Variants in C12orf42 observed in about 807,000 individuals in gnomAD.
C12orf42 encodes the protein uncharacterized protein C12orf42.
Under a neutral mutation model 21.6 loss-of-function variants are expected in C12orf42, and 25 were observed. The observed-to-expected ratio is 1.16, with a 90% CI of 0.84 to 1.62. C12orf42 has a LOEUF of 1.62. Ranked by LOEUF, C12orf42 falls within the 40% of genes most tolerant of loss-of-function variation. The pLI is 0.00. For synonymous variants in C12orf42, 174 were observed against 175.0 expected, an observed-to-expected ratio of 0.99 and a Z score of 0.05; for missense variants, 483 against 459.3, an observed-to-expected ratio of 1.05 and a Z score of -0.47.
At chr12:103,338,453 T>C (rs1433880276) in intron 4 of C12orf42, among the ~76,000 whole-genome samples, 3 of 152,254 alleles carry the variant, frequency 2.0e-5, no homozygotes, top group African/African-American at 7.2e-5. Flanking sequence ...GATGTCATCC[T>C]GGGAAAGCTT....
At chr12:103,206,633 G>T in the C12orf42 span, among the ~76,000 whole-genome samples, 1 of 151,850 alleles carries the variant, frequency 6.6e-6, no homozygotes, top group African/African-American at 2.4e-5. Context: ...TCACTGTCTC[G>T]CCCAAGCTAG....
At chr12:103,187,670 A>G in the C12orf42 span, among the ~76,000 whole-genome samples, 2 of 152,324 alleles carry the variant, frequency 1.3e-5, no homozygotes, top group South Asian at 2.1e-4. Flanking sequence ...TACTTGGGCA[A>G]TTCTTGGAAG....
intron 4 of C12orf42, among the ~76,000 whole-genome samples, chr12:103,318,421 A>G (rs894739884): frequency 6.6e-6 from 1 of 152,160 alleles, no homozygotes; most frequent in Non-Finnish European, 1.5e-5. Context: ...TAGAATACCC[A>G]TTGTTTTCCA....
the C12orf42 span, among the ~76,000 whole-genome samples, chr12:103,176,415 A>G: frequency 1.3e-5 from 2 of 152,174 alleles, no homozygotes; most frequent in Non-Finnish European, 2.9e-5. Context: ...AACAGCAACT[A>G]CATTTTAGGT....
chr12:103,136,200 G>A, the C12orf42 span, among the ~76,000 whole-genome samples: 1 of 152,138 alleles, frequency 6.6e-6, no homozygotes, highest in East Asian at 1.9e-4. Flanking sequence ...TCAGCAAGTT[G>A]CAGGATACAA....
chr12:103,275,250 C>T (rs1437921957), intron 5 of C12orf42, among the ~76,000 whole-genome samples: 6 of 151,970 alleles, frequency 3.9e-5, no homozygotes, highest in African/African-American at 1.5e-4. Flanking sequence ...AAAAATAAAA[C>T]AGGTTGATAG....
At chr12:103,165,054 T>G in the C12orf42 span, among the ~76,000 whole-genome samples, 1 of 152,012 alleles carries the variant, frequency 6.6e-6, no homozygotes, top group African/African-American at 2.4e-5. Flanking sequence ...CAAAATAGAG[T>G]GAAATGACCG....
the C12orf42 span, chr12:103,155,017 C>G: frequency 6.6e-6 from 1 of 152,186 alleles, no homozygotes; most frequent in Non-Finnish European, 1.5e-5. Context: ...AAACCTCCCC[C>G]ACTCCTCTTT....
chr12:103,474,517 CA>C (rs1272272358), intron 2 of C12orf42, among the ~76,000 whole-genome samples: 1 of 151,232 alleles, frequency 6.6e-6, no homozygotes, highest in Non-Finnish European at 1.5e-5. Context: ...AATAATTCAT[CA>C]AAAATCCATG....
chr12:103,229,505 G>T, the C12orf42 span, among the ~76,000 whole-genome samples: 5 of 152,176 alleles, frequency 3.3e-5, no homozygotes, highest in African/African-American at 1.2e-4. Context: ...ATTTAAGCTG[G>T]TTTGTGTGTA....
At chr12:103,320,058 A>G (rs1244709972) in intron 4 of C12orf42, among the ~76,000 whole-genome samples, 1 of 152,204 alleles carries the variant, frequency 6.6e-6, no homozygotes, top group African/African-American at 2.4e-5. Context: ...CACAACCGAG[A>G]AAGAAAACGT....
chr12:103,465,404 A>C (rs1318860856), intron 2 of C12orf42, among the ~76,000 whole-genome samples: 1 of 151,828 alleles, frequency 6.6e-6, no homozygotes. Flanking sequence ...TCTGCTTGTC[A>C]ATTGTTGGTG....
intron 2 of C12orf42, among the ~76,000 whole-genome samples, chr12:103,407,932 T>A (rs1193691474): frequency 6.6e-6 from 1 of 152,212 alleles, no homozygotes; most frequent in Non-Finnish European, 1.5e-5. Flanking sequence ...ACCAAGGGAA[T>A]TGTTGACAAA....
chr12:103,353,971 G>C (rs2043315494), intron 4 of C12orf42, among the ~76,000 whole-genome samples: 1 of 152,136 alleles, frequency 6.6e-6, no homozygotes, highest in Admixed American at 6.6e-5. Context: ...GAGTTACCCA[G>C]CAAGGCTCAA....
chr12:103,098,600 G>A, the C12orf42 span, among the ~76,000 whole-genome samples: 1 of 152,100 alleles, frequency 6.6e-6, no homozygotes, highest in African/African-American at 2.4e-5. Context: ...AAGAAGCAAG[G>A]GTCATTTGCT....
intron 3 of C12orf42, among the ~76,000 whole-genome samples, chr12:103,395,039 A>G (rs2047397603): frequency 6.6e-6 from 1 of 152,228 alleles, no homozygotes; most frequent in African/African-American, 2.4e-5. Context: ...GAACATCTAC[A>G]TTGTACCAGC....
chr12:103,425,228 CA>C, intron 2 of C12orf42, among the ~76,000 whole-genome samples: 1 of 152,186 alleles, frequency 6.6e-6, no homozygotes, highest in Admixed American at 6.5e-5. Context: ...TGGGACAGAG[CA>C]CCTAGGGGAA....
the C12orf42 span, among the ~76,000 whole-genome samples, chr12:103,186,653 A>G: frequency 4.3e-3 from 654 of 152,272 alleles, 2 homozygotes; most frequent in Middle Eastern, 0.01. Context: ...TAAAAATTTC[A>G]TGAAAAATCA....
the C12orf42 span, among the ~76,000 whole-genome samples, chr12:103,224,251 G>T: frequency 0.084 from 12,805 of 152,084 alleles, 571 homozygotes; most frequent in East Asian, 0.17. Context: ...GAAGGGAGGC[G>T]GCCTGAATAA....
Sources: gnomAD v4.1 joint callset for allele counts (sites outside exome capture counted in the v4.1 genomes callset) on GRCh38, gnomAD v4.1.1 for gene constraint, MANE v1.5 for transcripts, NCBI Gene and HGNC (gene_info 2026-07-23, HGNC 2026-07-21) for gene names.